The following LPA variants were observed in gnomAD, a reference collection of about 807,000 sequenced individuals.
The protein encoded by LPA is lipoprotein(a), also known as apolipoprotein(a).
A neutral mutation model predicts 197.9 loss-of-function variants in LPA; 199 were observed. The ratio of observed to expected loss-of-function variants is 1.01; its 90% CI spans 0.90 to 1.13. The LOEUF (loss-of-function observed/expected upper bound fraction) is 1.13. Ranked by LOEUF, LPA falls within the 50% of genes most tolerant of loss-of-function variation. The pLI is 0.00. For missense variants in LPA, 1,853 were observed against 1,785.8 expected, an observed-to-expected ratio of 1.04 and a Z score of -0.68; for synonymous variants, 715 against 639.5, an observed-to-expected ratio of 1.12 and a Z score of -1.78.
intron 18 of LPA, 135 bp from the exon 19 acceptor site, chr6:160,601,233 A>T: frequency 2.7e-6 from 2 of 749,778 alleles, no homozygotes; most frequent in South Asian, 1.5e-5. Flanking sequence ...TGCCACAATG[A>T]CAAATGGCTC....
At chr6:160,598,803 A>T (rs2115052529) in intron 20 of LPA, among the ~76,000 whole-genome samples, 1 of 152,288 alleles carries the variant, frequency 6.6e-6, no homozygotes, top group Non-Finnish European at 1.5e-5. Flanking sequence ...CTCTCCATAG[A>T]TGTGCAAGTA....
Position 160,609,076 on chromosome 6 carries a change from C to A in LPA, c.2604-2418G>T, listed in dbSNP as rs537134985. ...TTTTGATATTTTATCTGTTTTATTA[C>A]ATATTCATCTTTTTTTAAATATTTG... On this transcript the variant is annotated intron_variant, in intron 16 of 38. Transcript: ENST00000316300. Among the ~76,000 whole-genome samples, 9 of 152,180 alleles carry A rather than the reference C, an allele frequency of 5.9e-5. No individual in the cohort carries two copies. In the South Asian group the frequency reaches 1.9e-3, roughly 32 times the overall value.
At chr6:160,564,390 A>T (rs1233487574) in intron 28 of LPA, among the ~76,000 whole-genome samples, 2 of 152,144 alleles carry the variant, frequency 1.3e-5, no homozygotes, top group South Asian at 4.1e-4. Flanking sequence ...TGAATATTCT[A>T]CATCTTTCTT....
At chr6:160,539,839 A>AG (rs1777952008) in intron 36 of LPA, among the ~76,000 whole-genome samples, 1 of 67,994 alleles carries the variant, frequency 1.5e-5, no homozygotes, top group Non-Finnish European at 3.0e-5. Flanking sequence ...ACGTGAGGAA[A>AG]CGAATCCTTC....
intron 2 of LPA, among the ~76,000 whole-genome samples, chr6:160,647,015 C>G (rs545047592): frequency 5.3e-4 from 81 of 152,194 alleles, no homozygotes; most frequent in African/African-American, 1.9e-3. Flanking sequence ...TCATGTCGGT[C>G]AAGTAGGTTT....
intron 28 of LPA, among the ~76,000 whole-genome samples, chr6:160,576,088 C>T (rs1778653264): frequency 6.6e-6 from 1 of 152,012 alleles, no homozygotes; most frequent in Admixed American, 6.6e-5. Flanking sequence ...ACACTACTAT[C>T]TGTTGTGCAA....
intron 33 of LPA, 64 bp downstream of exon 33, chr6:160,545,375 TG>T (rs761412573): frequency 8.5e-7 from 1 of 1,182,200 alleles, no homozygotes; most frequent in Non-Finnish European, 1.2e-6. Context: ...CTGTTTTTTT[TG>T]CTTTTTTTTT....
intron 16 of LPA, among the ~76,000 whole-genome samples, chr6:160,608,097 TA>T (rs1779399485): frequency 6.6e-6 from 1 of 152,178 alleles, no homozygotes; most frequent in African/African-American, 2.4e-5. Context: ...AACGCTCATT[TA>T]AAAATATATA....
chr6:160,592,349 A>G (rs969611159), intron 22 of LPA, among the ~76,000 whole-genome samples: 4 of 152,160 alleles, frequency 2.6e-5, no homozygotes, highest in African/African-American at 9.7e-5. Flanking sequence ...TGAATTCCTC[A>G]TTACAGATAT....
chr6:160,604,481 C>T (rs1779305832), intron 18 of LPA, among the ~76,000 whole-genome samples: 1 of 152,172 alleles, frequency 6.6e-6, no homozygotes, highest in African/African-American at 2.4e-5. Flanking sequence ...TACAGGATCT[C>T]TCTCTTTGCT....
Position 160,601,014 on chromosome 6 carries a change from C to G in LPA, c.3030G>C (p.Glu1010Asp), listed in dbSNP as rs746845218. The change falls in exon 19 of 39, where the codon GAG becomes GAC. Residue 1010 changes from glutamate to aspartate, a missense_variant. Glu to Asp is a conservative substitution (Grantham distance 45, BLOSUM62 2). Coordinates refer to ENST00000316300, the MANE Select transcript of LPA (RefSeq NM_005577.4). ...CYTTDPSVRW[E>D]YCNLTRCSDA... is the part of the protein sequence containing the mutation. Reference sequence around the variant, plus strand: ...CTGAGCATCGTGTCAGGTTGCAGTACTCCCACCTGACACTGGGATCTGTTG... The same window carrying G: ...CTGAGCATCGTGTCAGGTTGCAGTAGTCCCACCTGACACTGGGATCTGTTG... 1.2e-6 allele frequency: 2 copies of G among 1,614,076 alleles called. No individual in the cohort carries two copies. The highest frequency in any genetic ancestry group is 3.3e-5 in the Admixed American group (2 of 60,032).
chr6:160,565,096 G>T (rs1312905611), intron 28 of LPA, among the ~76,000 whole-genome samples: 2 of 152,236 alleles, frequency 1.3e-5, no homozygotes, highest in South Asian at 2.1e-4. Flanking sequence ...ACCTCTGGGG[G>T]CAGGGCATAG....
intron 2 of LPA, 61 bp downstream of exon 2, chr6:160,650,277 C>G: frequency 1.3e-6 from 2 of 1,568,608 alleles, no homozygotes; most frequent in South Asian, 2.2e-5. Flanking sequence ...TTGACGCACA[C>G]CTTTTCTAAG....
chr6:160,646,773 C>G (rs1259304450), intron 2 of LPA, among the ~76,000 whole-genome samples: 1 of 145,762 alleles, frequency 6.9e-6, no homozygotes, highest in Non-Finnish European at 1.5e-5. Flanking sequence ...TGTGTATTCA[C>G]ATGCAAATGC....
intron 16 of LPA, among the ~76,000 whole-genome samples, chr6:160,608,547 G>A (rs775849754): frequency 3.9e-5 from 6 of 151,976 alleles, no homozygotes; most frequent in Non-Finnish European, 8.8e-5. Context: ...TCTTCTTACC[G>A]TGAAAATGTG....
rs1252376285 is a variant in LPA at position 160,635,309 on chromosome 6, A to G, written c.894-5T>C. On this transcript the variant is annotated splice_polypyrimidine_tract_variant and splice_region_variant and intron_variant, in intron 6 of 38. Coordinates refer to ENST00000316300, the MANE Select transcript of LPA (RefSeq NM_005577.4). ...CAGTAGTTCATGATCAAGCCACTGG[A>G]AATTCCAAAACGATACACGTCACAA... 2 of 1,100,154 alleles carry G rather than the reference A, an allele frequency of 1.8e-6. No individual in the cohort carries two copies. Among genetic ancestry groups the G allele is most frequent in the South Asian group, 1.4e-5 (1 of 72,926 alleles). The allele number at this position is 1,100,154 out of a possible 1,614,324, so 68.1% of individuals were successfully genotyped here.
intron 30 of LPA, among the ~76,000 whole-genome samples, chr6:160,552,347 A>G (rs1434278630): frequency 6.6e-6 from 1 of 152,190 alleles, no homozygotes; most frequent in Non-Finnish European, 1.5e-5. Context: ...CAATTTCACG[A>G]GAACTGATAT....
intron 1 of LPA, among the ~76,000 whole-genome samples, 173 bp downstream of exon 1, chr6:160,663,993 C>T (rs748766309): frequency 1.6e-4 from 24 of 150,966 alleles, no homozygotes; most frequent in Admixed American, 4.6e-4. Context: ...ACAGTCTTCA[C>T]GGGGAAATTA....
At chr6:160,536,781 C>T (rs1777901708) in intron 37 of LPA, among the ~76,000 whole-genome samples, 1 of 152,138 alleles carries the variant, frequency 6.6e-6, no homozygotes, top group East Asian at 1.9e-4. Flanking sequence ...AAAAAGGGAA[C>T]AAGGAGTCAA....
Sources: gnomAD v4.1 joint callset for allele counts (sites outside exome capture counted in the v4.1 genomes callset) on GRCh38, gnomAD v4.1.1 for gene constraint, MANE v1.5 for transcripts, NCBI Gene and HGNC (gene_info 2026-07-23, HGNC 2026-07-21) for gene names.